Variants in ENTREP2 observed in about 807,000 individuals in gnomAD.
ENTREP2 encodes protein ENTREP2.
chr15:29,652,475 G>C, the ENTREP2 span, among the ~76,000 whole-genome samples: 2 of 152,230 alleles, frequency 1.3e-5, no homozygotes, highest in Non-Finnish European at 2.9e-5. Flanking sequence ...AACACAAACA[G>C]GGCTGAAACA....
the ENTREP2 span, among the ~76,000 whole-genome samples, chr15:29,484,741 T>C: frequency 6.6e-6 from 1 of 152,202 alleles, no homozygotes; most frequent in African/African-American, 2.4e-5. Flanking sequence ...TGCCACACCT[T>C]AACCCATAGA....
the ENTREP2 span, among the ~76,000 whole-genome samples, chr15:29,620,510 C>T: frequency 1.3e-5 from 2 of 151,968 alleles, no homozygotes; most frequent in African/African-American, 4.8e-5. Context: ...CAGTGGCTCA[C>T]ACCTATAGTC....
the ENTREP2 span, among the ~76,000 whole-genome samples, chr15:29,351,799 AC>A: frequency 6.7e-6 from 1 of 149,856 alleles, no homozygotes; most frequent in African/African-American, 2.4e-5. Flanking sequence ...ACATGCCACC[AC>A]ACACAGCTTT....
the ENTREP2 span, among the ~76,000 whole-genome samples, chr15:29,627,540 TAA>T: frequency 0.11 from 13,562 of 119,994 alleles, 735 homozygotes; most frequent in South Asian, 0.24. Context: ...AGACTCCATC[TAA>T]AAAAAAAAAA....
chr15:29,611,918 C>T, the ENTREP2 span, among the ~76,000 whole-genome samples: 4 of 152,204 alleles, frequency 2.6e-5, no homozygotes, highest in East Asian at 5.8e-4. Context: ...TGTCTGCCTT[C>T]GCTGCACCTC....
At chr15:29,124,649 A>C in the ENTREP2 span, 49 of 1,528,092 alleles carry the variant, frequency 3.2e-5, no homozygotes, top group Non-Finnish European at 4.3e-5. Context: ...ACCTCCCAGC[A>C]GGCGCAGTCA....
chr15:29,399,140 C>T, the ENTREP2 span, among the ~76,000 whole-genome samples: 3 of 152,188 alleles, frequency 2.0e-5, no homozygotes, highest in African/African-American at 7.2e-5. Context: ...AGTCACACAA[C>T]CCCCAAAATG....
the ENTREP2 span, among the ~76,000 whole-genome samples, chr15:29,180,390 G>A: frequency 6.6e-6 from 1 of 152,144 alleles, no homozygotes; most frequent in African/African-American, 2.4e-5. Flanking sequence ...AGTAGGCCAG[G>A]CGCACTGGCT....
the ENTREP2 span, among the ~76,000 whole-genome samples, chr15:29,570,168 G>A: frequency 6.6e-6 from 1 of 151,628 alleles, no homozygotes; most frequent in Non-Finnish European, 1.5e-5. Flanking sequence ...CCGCTCGGAT[G>A]GCGAGGTCGT....
the ENTREP2 span, among the ~76,000 whole-genome samples, chr15:29,649,884 A>G: frequency 3.9e-5 from 6 of 152,276 alleles, no homozygotes; most frequent in East Asian, 1.2e-3. Flanking sequence ...AAATTGACCA[A>G]AATGCACAAC....
chr15:29,415,888 C>T, the ENTREP2 span, among the ~76,000 whole-genome samples: 1 of 152,146 alleles, frequency 6.6e-6, no homozygotes, highest in African/African-American at 2.4e-5. Flanking sequence ...AGTGAACTCC[C>T]ATTCACAACT....
chr15:29,123,224 C>T, the ENTREP2 span: 19 of 1,146,186 alleles, frequency 1.7e-5, no homozygotes, highest in African/African-American at 9.3e-5. Context: ...GTGTCCCCCC[C>T]ACATTTATCC....
At chr15:29,447,387 G>A in the ENTREP2 span, among the ~76,000 whole-genome samples, 1 of 152,214 alleles carries the variant, frequency 6.6e-6, no homozygotes, top group African/African-American at 2.4e-5. Context: ...GCATAGCACA[G>A]TCTTCGCCAG....
the ENTREP2 span, among the ~76,000 whole-genome samples, chr15:29,509,129 C>A: frequency 6.6e-6 from 1 of 152,160 alleles, no homozygotes; most frequent in Non-Finnish European, 1.5e-5. Flanking sequence ...AGAGCCAAAT[C>A]ATGAGCAAAC....
chr15:29,615,925 G>C, the ENTREP2 span, among the ~76,000 whole-genome samples: 1 of 152,208 alleles, frequency 6.6e-6, no homozygotes, highest in Non-Finnish European at 1.5e-5. Flanking sequence ...GAAGCTCAAA[G>C]TGTGGGCACT....
the ENTREP2 span, among the ~76,000 whole-genome samples, chr15:29,294,642 T>C: frequency 1.3e-5 from 2 of 152,176 alleles, no homozygotes; most frequent in Non-Finnish European, 2.9e-5. Context: ...TAAACAAGGG[T>C]AAATCTTAGA....
At chr15:29,442,428 G>GA in the ENTREP2 span, among the ~76,000 whole-genome samples, 27 of 152,314 alleles carry the variant, frequency 1.8e-4, no homozygotes, top group South Asian at 5.6e-3. Context: ...TGTAAAAAGG[G>GA]AACACAACCC....
the ENTREP2 span, among the ~76,000 whole-genome samples, chr15:29,400,968 G>A: frequency 6.6e-6 from 1 of 152,240 alleles, no homozygotes; most frequent in Non-Finnish European, 1.5e-5. Flanking sequence ...GCCTTCTGAT[G>A]CACTACGTGC....
At chr15:29,278,632 G>A in the ENTREP2 span, among the ~76,000 whole-genome samples, 1 of 152,114 alleles carries the variant, frequency 6.6e-6, no homozygotes, top group African/African-American at 2.4e-5. Context: ...CTTGCTACTT[G>A]CCACCTCATA....
Sources: allele counts gnomAD v4.1 joint callset (sites outside exome capture counted in the v4.1 genomes callset), GRCh38; gene constraint gnomAD v4.1.1; transcripts MANE v1.5; gene names NCBI Gene and HGNC (gene_info 2026-07-23, HGNC 2026-07-21).